The following GBE1 variants were observed in gnomAD, a reference collection of about 807,000 sequenced individuals.
GBE1 encodes 1,4-alpha-glucan-branching enzyme.
In GBE1, 70 loss-of-function variants were observed where a neutral mutation model predicts 88.8. That is an observed-to-expected ratio of 0.79 (90% CI 0.65 to 0.96). The LOEUF (loss-of-function observed/expected upper bound fraction) is 0.96, where lower values mean the gene tolerates loss of function less well. Among genes scored for constraint, GBE1 ranks in the 40% least tolerant of loss-of-function variants. The probability of loss-of-function intolerance (pLI) is 0.00; values close to 1 mark genes in which losing one functional copy is unlikely to be tolerated. For missense variants in GBE1, 872 were observed against 871.0 expected, an observed-to-expected ratio of 1.00 and a Z score of -0.01; for synonymous variants, 284 against 300.1, an observed-to-expected ratio of 0.95 and a Z score of 0.56.
intron 5 of GBE1, among the ~76,000 whole-genome samples, chr3:81,648,007 CATA>C (rs1364438699): frequency 1.3e-5 from 2 of 151,904 alleles, no homozygotes; most frequent in Non-Finnish European, 2.9e-5. Context: ...AATAATTTAG[CATA>C]ATATCTATTA....
In GBE1 at chr3:81,586,120, G is replaced by A; in HGVS notation, c.1307C>T (p.Ala436Val). The A allele has an allele frequency of 6.2e-7, 1 of 1,608,960 alleles. No individual in the cohort carries two copies. Among genetic ancestry groups the A allele is most frequent in the East Asian group, 2.2e-5 (1 of 44,598 alleles). ...AATCCACTTATCTGGAATTGCCATG[G>A]CTAGTCGATAGTCAAAACCACCCCC... ...QGGGGFDYRL[A>V]MAIPDKWIQL... The change falls in exon 10 of 16, where the codon GCC becomes GTC. Residue 436 changes from alanine to valine, a missense_variant. Physicochemically the swap from Ala to Val is moderately conservative, Grantham distance 64 (BLOSUM62 0). Transcript: ENST00000429644.
At chr3:81,636,701 T>C (rs1402651859) in intron 7 of GBE1, among the ~76,000 whole-genome samples, 1 of 152,090 alleles carries the variant, frequency 6.6e-6, no homozygotes, top group Non-Finnish European at 1.5e-5. Flanking sequence ...CAGCTAATTT[T>C]GTATTTTTAG....
rs145198870 is a variant in GBE1 at position 81,610,961 on chromosome 3, A to T, written c.993-16938T>A. ...CTTCTTTTGAAATCCAATTTAAATT[A>T]AATGATTGATTTTAAGATTTTGCCA... On this transcript the variant is annotated intron_variant, in intron 7 of 15. Transcript: ENST00000429644. 1.3e-3 allele frequency among the ~76,000 whole-genome samples: 198 copies of T among 152,214 alleles called. 2 individuals are homozygous for T. Among genetic ancestry groups the T allele is most frequent in the African/African-American group, 4.6e-3 (193 of 41,538 alleles).
Position 81,536,997 on chromosome 3 carries a change from C to T in GBE1, c.1717G>A (p.Asp573Asn), listed in dbSNP as rs776181092. 2.0e-5 allele frequency: 32 copies of T among 1,592,234 alleles called. No individual in the cohort carries two copies. The South Asian group carries it at 3.3e-4, about 17-fold the overall frequency. The change falls in exon 13 of 16, where the codon GAC (aspartate) becomes AAC (asparagine). Residue 573 changes from aspartate to asparagine, a missense_variant. Transcript: ENST00000429644. ...ARRQFHLTDD[D>N]LLRYKFLNNF... ...TTTAGGAACTTGTAGCGAAGAAGGT[C>T]GTCGTCAGTTAAATGAAACTGCCGC...
intron 1 of GBE1, among the ~76,000 whole-genome samples, chr3:81,737,805 GGTTA>G (rs1193654184): frequency 6.6e-6 from 1 of 151,920 alleles, no homozygotes; most frequent in African/African-American, 2.4e-5. Flanking sequence ...ACAATGCGCA[GGTTA>G]GTTACATATG....
At chr3:81,721,204 A>T (rs1575765630) in intron 1 of GBE1, among the ~76,000 whole-genome samples, 2 of 90,802 alleles carry the variant, frequency 2.2e-5, no homozygotes, top group African/African-American at 5.6e-5. Flanking sequence ...AGTATAATAA[A>T]AAATAAATAA....
intron 7 of GBE1, among the ~76,000 whole-genome samples, chr3:81,618,674 TTGAGGATGCATA>T (rs1407102706): frequency 5.9e-5 from 9 of 152,126 alleles, no homozygotes; most frequent in African/African-American, 2.2e-4. Flanking sequence ...AGAAATTTCA[TTGAGGATGCATA>T]TCCTATCCTG....
chr3:81,518,303 T>A (rs1702824532), intron 14 of GBE1, among the ~76,000 whole-genome samples: 1 of 151,326 alleles, frequency 6.6e-6, no homozygotes, highest in South Asian at 2.1e-4. Context: ...AGAACTGCTG[T>A]TAAATATTTG....
chr3:81,516,679 T>C (rs1702802098), intron 14 of GBE1, among the ~76,000 whole-genome samples: 1 of 151,504 alleles, frequency 6.6e-6, no homozygotes, highest in Non-Finnish European at 1.5e-5. Flanking sequence ...TTCACCATTC[T>C]AGATGCCATT....
chr3:81,638,045 T>C (rs1704615248), intron 7 of GBE1, among the ~76,000 whole-genome samples: 1 of 152,076 alleles, frequency 6.6e-6, no homozygotes, highest in Admixed American at 6.5e-5. Flanking sequence ...CCCTTGAATT[T>C]CCTTCCACAT....
intron 2 of GBE1, among the ~76,000 whole-genome samples, chr3:81,671,370 A>G (rs1186368743): frequency 6.6e-6 from 1 of 152,184 alleles, no homozygotes; most frequent in Non-Finnish European, 1.5e-5. Context: ...CATTTACTGA[A>G]TTTCATAAGA....
intron 7 of GBE1, among the ~76,000 whole-genome samples, chr3:81,623,890 T>C (rs369569771): frequency 4.1e-4 from 63 of 152,234 alleles, no homozygotes; most frequent in African/African-American, 1.4e-3. Context: ...AGGCTGCTCT[T>C]GAACTCCTGA....
rs1334556405 is a variant in GBE1 at position 81,702,100 on chromosome 3, AGAGTGTGTGTGTGTGT to A, written c.313+3328_313+3343del. Among the ~76,000 whole-genome samples, 337 of 76,290 alleles carry A rather than the reference AGAGTGTGTGTGTGTGT, an allele frequency of 4.4e-3. 6 individuals carry two copies. Among genetic ancestry groups the A allele is most frequent in the South Asian group, 0.019 (41 of 2,210 alleles). The allele number at this position is 76,290 out of a possible 152,430, so 50.0% of individuals were successfully genotyped here. A position where few individuals can be genotyped will look rare whatever the true frequency, so the allele number is the denominator to read the frequency against. On this transcript the variant is annotated intron_variant, in intron 2 of 15. Transcript: ENST00000429644. The stretch of plus-strand genomic sequence containing the variant: ...AATCCCTGGAGAGAGAGAGAGAGAG[AGAGTGTGTGTGTGTGT>A]GTGTGTGTGTGTGTGTGTGTGTGTG...
chr3:81,497,599 G>T (rs1702517356), intron 15 of GBE1, among the ~76,000 whole-genome samples: 2 of 152,288 alleles, frequency 1.3e-5, no homozygotes, highest in South Asian at 4.1e-4. Context: ...GGCGTTTTGT[G>T]ATCTTTTCAC....
At chr3:81,672,741 T>C (rs998205) in intron 2 of GBE1, among the ~76,000 whole-genome samples, 12,975 of 151,990 alleles carry the variant, frequency 0.085, 1,155 homozygotes, top group African/African-American at 0.22. Flanking sequence ...TTACTATTTG[T>C]TTATGCCTAA....
intron 7 of GBE1, among the ~76,000 whole-genome samples, chr3:81,623,703 G>A (rs1354162939): frequency 6.6e-6 from 1 of 152,122 alleles, no homozygotes; most frequent in South Asian, 2.1e-4. Flanking sequence ...GAGTACAGTG[G>A]CATGACCATG....
chr3:81,562,429 T>C (rs1037832074), intron 12 of GBE1, among the ~76,000 whole-genome samples: 1 of 152,046 alleles, frequency 6.6e-6, no homozygotes, highest in Non-Finnish European at 1.5e-5. Flanking sequence ...CTGTCTTATA[T>C]AGGGTAGTGA....
chr3:81,551,776 A>G (rs1188622133), intron 12 of GBE1, among the ~76,000 whole-genome samples: 1 of 152,174 alleles, frequency 6.6e-6, no homozygotes, highest in Non-Finnish European at 1.5e-5. Context: ...CACATCTTCA[A>G]CCTTGGCAAA....
In GBE1 at chr3:81,694,186, G is replaced by A. The variant is rs1324923496; in HGVS notation, c.313+11258C>T. 3.3e-5 allele frequency among the ~76,000 whole-genome samples: 5 copies of A among 152,036 alleles called. No homozygotes were observed. The South Asian group carries it at 8.3e-4, about 25-fold the overall frequency. On this transcript the variant is annotated intron_variant, in intron 2 of 15. Coordinates refer to ENST00000429644, the MANE Select transcript of GBE1 (RefSeq NM_000158.4). Reference sequence around the variant, plus strand: ...GATGGAAGGAAATGAGGGAAGGGGGGAGAAAAGGAGTGGGAGGTAGAGAAC... The same window carrying A: ...GATGGAAGGAAATGAGGGAAGGGGGAAGAAAAGGAGTGGGAGGTAGAGAAC...
Sources: allele counts gnomAD v4.1 joint callset (sites outside exome capture counted in the v4.1 genomes callset), GRCh38; gene constraint gnomAD v4.1.1; transcripts MANE v1.5; gene names NCBI Gene and HGNC (gene_info 2026-07-23, HGNC 2026-07-21).